The following POU2AF2 variants were observed in gnomAD, a reference collection of about 807,000 sequenced individuals.
POU2AF2 encodes POU domain class 2-associating factor 2.
the POU2AF2 span, among the ~76,000 whole-genome samples, chr11:111,267,293 C>G: frequency 6.6e-6 from 1 of 152,172 alleles, no homozygotes; most frequent in East Asian, 1.9e-4. Context: ...CTTGGTCATT[C>G]TCCACCACTC....
the POU2AF2 span, among the ~76,000 whole-genome samples, chr11:111,256,817 GAAT>G: frequency 6.6e-6 from 1 of 152,146 alleles, no homozygotes; most frequent in Admixed American, 6.5e-5. Flanking sequence ...TGGTTGGTGG[GAAT>G]AATACTCACC....
At chr11:111,273,859 G>C in the POU2AF2 span, among the ~76,000 whole-genome samples, 1 of 152,180 alleles carries the variant, frequency 6.6e-6, no homozygotes, top group Non-Finnish European at 1.5e-5. Context: ...GAAGTTGCAG[G>C]CTGGCAAATT....
the POU2AF2 span, among the ~76,000 whole-genome samples, chr11:111,259,886 G>A: frequency 6.6e-6 from 1 of 152,186 alleles, no homozygotes; most frequent in South Asian, 2.1e-4. Context: ...CTGACTTTTT[G>A]AATTCAGATA....
the POU2AF2 span, among the ~76,000 whole-genome samples, chr11:111,263,995 G>A: frequency 6.6e-6 from 1 of 152,202 alleles, no homozygotes; most frequent in African/African-American, 2.4e-5. Context: ...CTGCATGTGA[G>A]GAGTGATGTT....
At chr11:111,252,142 G>A in the POU2AF2 span, among the ~76,000 whole-genome samples, 1 of 152,072 alleles carries the variant, frequency 6.6e-6, no homozygotes, top group African/African-American at 2.4e-5. Flanking sequence ...CAATTCCCAG[G>A]CCCTCCTCCT....
the POU2AF2 span, among the ~76,000 whole-genome samples, chr11:111,276,454 ATATATATATATATAT>A: frequency 2.5e-3 from 47 of 19,072 alleles, 1 homozygote; most frequent in Middle Eastern, 0.031. Context: ...AAAAAAAAAA[ATATATATATATATAT>A]ATATATATAT....
the POU2AF2 span, among the ~76,000 whole-genome samples, chr11:111,256,868 T>C: frequency 2.6e-5 from 4 of 152,202 alleles, no homozygotes; most frequent in Non-Finnish European, 5.9e-5. Flanking sequence ...CCAACAGAGA[T>C]AACTTAAAAA....
At chr11:111,263,498 C>A in the POU2AF2 span, among the ~76,000 whole-genome samples, 2 of 142,208 alleles carry the variant, frequency 1.4e-5, no homozygotes, top group Admixed American at 1.5e-4. Context: ...AGTGGCATGA[C>A]CTTTGCTCAC....
chr11:111,284,397 G>A, the POU2AF2 span: 10 of 1,566,490 alleles, frequency 6.4e-6, no homozygotes, highest in African/African-American at 1.4e-5. Flanking sequence ...CAGAGACCTC[G>A]TGTGAGGGAG....
the POU2AF2 span, among the ~76,000 whole-genome samples, chr11:111,265,042 G>A: frequency 6.6e-6 from 1 of 152,120 alleles, no homozygotes; most frequent in Non-Finnish European, 1.5e-5. Context: ...AAGCTTTGAA[G>A]GAAGAAGATG....
chr11:111,280,456 C>T, the POU2AF2 span, among the ~76,000 whole-genome samples: 3 of 152,190 alleles, frequency 2.0e-5, no homozygotes, highest in African/African-American at 7.2e-5. Flanking sequence ...CAGAAATAAA[C>T]AATTTCTAGA....
chr11:111,250,175 G>T, the POU2AF2 span, among the ~76,000 whole-genome samples: 3 of 151,882 alleles, frequency 2.0e-5, no homozygotes, highest in Non-Finnish European at 4.4e-5. Flanking sequence ...TGCTGTTTTG[G>T]GGGGGTTGGG....
chr11:111,285,675 TGCCTGACGGTCTCAGCCA>T, the POU2AF2 span: 22 of 1,613,124 alleles, frequency 1.4e-5, no homozygotes, highest in Admixed American at 1.3e-4. Flanking sequence ...GAGCAGACGT[TGCCTGACGGTCTCAGCCA>T]GCCTGACCCT....
At chr11:111,283,372 C>T in the POU2AF2 span, among the ~76,000 whole-genome samples, 30 of 152,024 alleles carry the variant, frequency 2.0e-4, 1 homozygote, top group East Asian at 5.4e-3. Context: ...TTTATGTAGC[C>T]GGCACTGTCT....
chr11:111,257,843 C>T, the POU2AF2 span, among the ~76,000 whole-genome samples: 2 of 152,168 alleles, frequency 1.3e-5, no homozygotes, highest in Admixed American at 1.3e-4. Context: ...TACAGCAGGG[C>T]ACAGTATCTC....
At chr11:111,247,219 G>T in the POU2AF2 span, among the ~76,000 whole-genome samples, 4 of 149,518 alleles carry the variant, frequency 2.7e-5, no homozygotes, top group African/African-American at 9.9e-5. Flanking sequence ...GAGAGAGAGA[G>T]ACCGTATTTC....
the POU2AF2 span, among the ~76,000 whole-genome samples, chr11:111,262,266 G>A: frequency 6.6e-6 from 1 of 152,202 alleles, no homozygotes; most frequent in Non-Finnish European, 1.5e-5. Flanking sequence ...AACAGAAGGT[G>A]AATAGGCACC....
chr11:111,275,023 T>C, the POU2AF2 span, among the ~76,000 whole-genome samples: 2 of 152,204 alleles, frequency 1.3e-5, no homozygotes, highest in Admixed American at 1.3e-4. Flanking sequence ...CAGTTGACCA[T>C]AGCAATGGCC....
At chr11:111,286,039 C>T in the POU2AF2 span, 2 of 1,611,638 alleles carry the variant, frequency 1.2e-6, no homozygotes, top group Non-Finnish European at 1.7e-6. Context: ...CATATGAATG[C>T]CGCAGAGCTT....
Sources: gnomAD v4.1 joint callset for allele counts (sites outside exome capture counted in the v4.1 genomes callset) on GRCh38, gnomAD v4.1.1 for gene constraint, MANE v1.5 for transcripts, NCBI Gene and HGNC (gene_info 2026-07-23, HGNC 2026-07-21) for gene names.